The following ELP4 variants were observed in gnomAD, a reference collection of about 807,000 sequenced individuals.
ELP4 encodes elongator acetyltransferase complex subunit 4, also known as elongator complex protein 4.
A neutral mutation model predicts 48.9 loss-of-function variants in ELP4; 51 were observed. The observed-to-expected ratio is 1.04, with a 90% CI of 0.83 to 1.32. The LOEUF is 1.32. ELP4 is among the 40% of genes most tolerant of loss of function. The pLI is 0.00. For missense variants in ELP4, 519 were observed against 514.6 expected (o/e 1.01, Z -0.08); for synonymous variants, 210 against 189.2 (o/e 1.11, Z -0.90).
At chr11:31,724,193 G>A (rs927517753) in intron 9 of ELP4, among the ~76,000 whole-genome samples, 6 of 152,220 alleles carry the variant, frequency 3.9e-5, no homozygotes, top group African/African-American at 1.2e-4. Flanking sequence ...TATATTGTTA[G>A]TGCATGCTTA....
intron 7 of ELP4, 25 bp downstream of exon 7, chr11:31,632,430 T>C (rs1443826189): frequency 4.5e-6 from 7 of 1,569,690 alleles, no homozygotes; most frequent in Non-Finnish European, 6.1e-6. Flanking sequence ...GAACTACTTT[T>C]TCATAATTCA....
At chr11:31,652,141 T>TA (rs1368942955) in intron 9 of ELP4, 4 of 151,710 alleles carry the variant, frequency 2.6e-5, no homozygotes, top group African/African-American at 9.7e-5. Context: ...AAAACACAAA[T>TA]AGACTGTTGT....
At chr11:31,621,891 A>G (rs1003081504) in intron 5 of ELP4, among the ~76,000 whole-genome samples, 2 of 151,794 alleles carry the variant, frequency 1.3e-5, no homozygotes, top group Admixed American at 1.3e-4. Flanking sequence ...AGAGCAGGTA[A>G]TTTGAGTTCT....
chr11:31,773,371 A>T (rs957946920), intron 9 of ELP4, among the ~76,000 whole-genome samples: 3 of 152,172 alleles, frequency 2.0e-5, no homozygotes, highest in Admixed American at 2.0e-4. Flanking sequence ...GCTGAAGGAG[A>T]TTGCCATCAA....
intron 9 of ELP4, among the ~76,000 whole-genome samples, chr11:31,709,786 A>G (rs1387893476): frequency 2.0e-5 from 3 of 152,224 alleles, no homozygotes; most frequent in African/African-American, 7.2e-5. Flanking sequence ...AGCCAAAACA[A>G]TAATTATCAT....
At chr11:31,522,261 A>G (rs1337063615) in intron 2 of ELP4, among the ~76,000 whole-genome samples, 1 of 152,206 alleles carries the variant, frequency 6.6e-6, no homozygotes, top group East Asian at 1.9e-4. Flanking sequence ...AATTATTTAC[A>G]TGTTTGGTAT....
At chr11:31,744,756 A>C (rs1344571314) in intron 9 of ELP4, among the ~76,000 whole-genome samples, 2 of 152,072 alleles carry the variant, frequency 1.3e-5, no homozygotes, top group African/African-American at 4.8e-5. Flanking sequence ...AATAAGAGCT[A>C]TCTATGACAA....
intron 5 of ELP4, 87 bp downstream of exon 5, chr11:31,603,994 C>A: frequency 9.6e-7 from 1 of 1,037,812 alleles, no homozygotes; most frequent in Non-Finnish European, 1.4e-6. Flanking sequence ...GAATACACAT[C>A]TAAGGGTAAA....
intron 9 of ELP4, among the ~76,000 whole-genome samples, chr11:31,771,969 G>C (rs537052227): frequency 6.6e-6 from 1 of 151,790 alleles, no homozygotes; most frequent in East Asian, 1.9e-4. Context: ...GCGACAGAGC[G>C]AGACTCCGTC....
intron 9 of ELP4, chr11:31,651,081 C>T (rs1174978252): frequency 6.6e-6 from 1 of 151,710 alleles, no homozygotes; most frequent in Non-Finnish European, 1.5e-5. Context: ...TTAACTTCAT[C>T]ACCAAATGAT....
chr11:31,720,333 A>G (rs758161310), intron 9 of ELP4, among the ~76,000 whole-genome samples: 1 of 152,236 alleles, frequency 6.6e-6, no homozygotes, highest in Non-Finnish European at 1.5e-5. Flanking sequence ...TGACCTCGAC[A>G]ATATGTTCCC....
At chr11:31,593,609 T>A (rs570334923) in intron 3 of ELP4, among the ~76,000 whole-genome samples, 1 of 152,284 alleles carries the variant, frequency 6.6e-6, no homozygotes, top group South Asian at 2.1e-4. Context: ...GGTCCTGTGG[T>A]AACACAGACA....
chr11:31,555,353 C>G (rs1956913898), intron 3 of ELP4, among the ~76,000 whole-genome samples: 1 of 152,032 alleles, frequency 6.6e-6, no homozygotes, highest in Admixed American at 6.6e-5. Flanking sequence ...TCACACTGCT[C>G]TAATCTGAAA....
At chr11:31,597,057 G>T (rs1304491622) in intron 4 of ELP4, among the ~76,000 whole-genome samples, 1 of 151,894 alleles carries the variant, frequency 6.6e-6, no homozygotes, top group Non-Finnish European at 1.5e-5. Flanking sequence ...AATGTAAAAA[G>T]GTACAACTTC....
At chr11:31,510,354 C>T (rs1395131461) in intron 1 of ELP4, 4 of 468,646 alleles carry the variant, frequency 8.5e-6, no homozygotes, top group Non-Finnish European at 1.1e-5. Flanking sequence ...GGATACCTCC[C>T]TTCTGCTTTC....
In ELP4 at chr11:31,509,982, G is replaced by T. The variant is rs752324096; in HGVS notation, c.198G>T (p.Gly66=). 5 of 1,612,332 alleles carry T rather than the reference G, an allele frequency of 3.1e-6. No individual in the cohort carries two copies. Among genetic ancestry groups the T allele is most frequent in the African/African-American group, 1.3e-5 (1 of 75,004 alleles). Reference sequence around the variant, plus strand: ...ATGGACAGCTGCTGGTATCAACCGGGCTCCCAGCCCTAGACCAGCTCTTAG... The same window carrying T: ...ATGGACAGCTGCTGGTATCAACCGGTCTCCCAGCCCTAGACCAGCTCTTAG... ...VRNGQLLVST[G]LPALDQLLGG... Residue 66 remains glycine, a synonymous_variant, in exon 1 of 10, where the codon GGG becomes GGT. Coordinates refer to ENST00000640961, the MANE Select transcript of ELP4 (RefSeq NM_019040.5).
intron 9 of ELP4, among the ~76,000 whole-genome samples, chr11:31,750,295 A>G (rs529584153): frequency 6.6e-6 from 1 of 152,340 alleles, no homozygotes; most frequent in South Asian, 2.1e-4. Flanking sequence ...AATCAGCCTC[A>G]GTGTGGGTAG....
At chr11:31,537,430 A>G (rs2133902817) in intron 2 of ELP4, among the ~76,000 whole-genome samples, 1 of 152,280 alleles carries the variant, frequency 6.6e-6, no homozygotes, top group African/African-American at 2.4e-5. Context: ...ATAAAATGAT[A>G]AGTTTTCCAA....
intron 9 of ELP4, among the ~76,000 whole-genome samples, chr11:31,768,932 A>G (rs1011281302): frequency 1.3e-5 from 2 of 152,158 alleles, no homozygotes; most frequent in Admixed American, 6.6e-5. Context: ...TGGGCAGCAC[A>G]TGCTTCGGTT....
Sources: allele counts gnomAD v4.1 joint callset (sites outside exome capture counted in the v4.1 genomes callset), GRCh38; gene constraint gnomAD v4.1.1; transcripts MANE v1.5; gene names NCBI Gene and HGNC (gene_info 2026-07-23, HGNC 2026-07-21).